DMBT1: variants seen among roughly 807,000 people sequenced by gnomAD.
DMBT1 encodes deleted in malignant brain tumors 1, also known as scavenger receptor cysteine-rich domain-containing protein DMBT1.
In DMBT1, 198 loss-of-function variants were observed where a neutral mutation model predicts 252.9. The observed-to-expected ratio is 0.78, with a 90% CI of 0.70 to 0.88. The LOEUF (loss-of-function observed/expected upper bound fraction) is 0.88, where lower values mean the gene tolerates loss of function less well. Ranked by LOEUF, DMBT1 falls within the 40% of genes least tolerant of loss-of-function variation. DMBT1 has a pLI of 0.00. For missense variants in DMBT1, 2,432 were observed against 2,404.7 expected, an observed-to-expected ratio of 1.01 and a Z score of -0.24; for synonymous variants, 990 against 942.7, an observed-to-expected ratio of 1.05 and a Z score of -0.92.
chr10:122,617,935 G>T, intron 40 of DMBT1, 82 bp from the exon 41 acceptor site: 1 of 1,586,218 alleles, frequency 6.3e-7, no homozygotes, highest in Non-Finnish European at 8.6e-7. Flanking sequence ...TGGCCATTAG[G>T]AAGTACCCTG....
rs1276571720 is a variant in DMBT1 at position 122,589,047 on chromosome 10, C to T, written c.1887C>T (p.Asp629=). ...YRGSWGTVCD[D]SWDTNDANVV... ...GCTCTTGGGGCACCGTGTGTGATGA[C>T]AGCTGGGACACCAATGATGCCAATG... The change falls in exon 17 of 56, where the codon GAC becomes GAT. Residue 629 remains aspartate (D), a synonymous_variant. Transcript: ENST00000338354. 1.3e-6 allele frequency: 2 copies of T among 1,588,860 alleles called. No homozygotes were observed. The highest frequency in any genetic ancestry group is 8.6e-7 in the Non-Finnish European group (1 of 1,165,948).
rs1248980230 is a variant in DMBT1 at position 122,579,638 on chromosome 10, T to A, written c.740T>A (p.Val247Glu). The A allele has an allele frequency of 1.2e-6, 2 of 1,613,504 alleles. No homozygotes were observed. Among genetic ancestry groups the A allele is most frequent in the East Asian group, 2.2e-5 (1 of 44,882 alleles). Residue 247 changes from valine to glutamate, a missense_variant, in exon 10 of 56, where the codon GTG (valine) becomes GAG (glutamate). By Grantham distance (121) the Val-to-Glu change is moderately radical (BLOSUM62 -2). Around this residue, in one of 3 missense-constraint regions of DMBT1, gnomAD observed 1,264 missense variants for 1,082.2 expected, o/e 1.17. Transcript: ENST00000338354. ...GGAGGCGACAGGTGTCGAGGCCGAG[T>A]GGAGGTCCTATACCGAGGCTCCTGG... ...VNGGDRCRGR[V>E]EVLYRGSWGT...
intron 20 of DMBT1, among the ~76,000 whole-genome samples, chr10:122,593,196 C>T (rs2097864539): frequency 6.7e-6 from 1 of 148,882 alleles, no homozygotes. Context: ...ATGAGACAGG[C>T]CAGGCATGGC....
At chr10:122,576,792 T>G in intron 7 of DMBT1, 70 bp downstream of exon 7, 1 of 1,587,212 alleles carries the variant, frequency 6.3e-7, no homozygotes, top group Non-Finnish European at 8.6e-7. Flanking sequence ...TTTGGGAGGA[T>G]GAGGTAGGCA....
chr10:122,598,401 A>G (rs2097905296), intron 25 of DMBT1, among the ~76,000 whole-genome samples: 1 of 152,112 alleles, frequency 6.6e-6, no homozygotes, highest in Non-Finnish European at 1.5e-5. Flanking sequence ...ATACCTGTGA[A>G]ATTTTCAGAA....
rs147003533 is a variant in DMBT1 at position 122,619,304 on chromosome 10, A to G, written c.5216-4A>G. On this transcript the variant is annotated splice_region_variant and splice_polypyrimidine_tract_variant and intron_variant, in intron 41 of 55. Coordinates refer to ENST00000338354, the MANE Select transcript of DMBT1 (RefSeq NM_001377530.1). The stretch of plus-strand genomic sequence containing the variant: ...GATCTGACCTTCTCTTCTCTTTCTC[A>G]CAGCTGCTCAGTCCCAGTCAACGCC... 2,052 of 1,613,668 alleles carry G rather than the reference A, an allele frequency of 1.3e-3. 20 individuals are homozygous for G. The African/African-American group carries it at 0.024, about 19-fold the overall frequency.
intron 7 of DMBT1, 90 bp downstream of exon 7, chr10:122,576,812 A>G: frequency 1.3e-6 from 2 of 1,528,210 alleles, no homozygotes; most frequent in Middle Eastern, 1.7e-4. Flanking sequence ...AGATTGCTTG[A>G]GCTCAGGCGT....
At position 122,581,082 on chromosome 10, in the gene DMBT1, G is replaced by A. The variant is rs528088765; in HGVS notation, c.1033+187G>A. On this transcript the variant is annotated intron_variant, in intron 11 of 55. Coordinates refer to ENST00000338354, the MANE Select transcript of DMBT1 (RefSeq NM_001377530.1). ...TTTAAACACACACAGGATTGAGGAG[G>A]CCTCTGTCTTCTTTTCAACCCCTCT... 5.5e-3 allele frequency among the ~76,000 whole-genome samples: 820 copies of A among 148,632 alleles called. 1 individual carries two copies. Among genetic ancestry groups the A allele is most frequent in the African/African-American group, 0.015 (592 of 39,064 alleles).
At chr10:122,573,580 G>A (rs2097685335) in intron 5 of DMBT1, 135 bp from the exon 6 acceptor site, 3 of 1,085,450 alleles carry the variant, frequency 2.8e-6, no homozygotes, top group East Asian at 2.4e-5. Flanking sequence ...ATTGGCACAT[G>A]GTTGGCTTTT....
intron 15 of DMBT1, among the ~76,000 whole-genome samples, chr10:122,585,800 C>T (rs2097784532): frequency 6.7e-6 from 1 of 148,674 alleles, no homozygotes; most frequent in South Asian, 2.3e-4. Context: ...CCTGTGTGTG[C>T]CCAGGTTAGG....
chr10:122,585,192 G>C (rs951935745), intron 14 of DMBT1, 79 bp from the exon 15 acceptor site: 1 of 1,524,222 alleles, frequency 6.6e-7, no homozygotes, highest in Non-Finnish European at 9.0e-7. Flanking sequence ...CATGATGCTC[G>C]CCTTCTCCGG....
Position 122,579,558 on chromosome 10 carries a change from G to A in DMBT1, c.680-20G>A, listed in dbSNP as rs759355375. On this transcript the variant is annotated intron_variant, in intron 9 of 55. Coordinates refer to ENST00000338354, the MANE Select transcript of DMBT1 (RefSeq NM_001377530.1). ...ACCTCATGATAGGGATGGATGAAGG[G>A]TTCTTGTGTTCCCCTGTAGGATCTG... 1.4e-5 allele frequency: 23 copies of A among 1,612,244 alleles called. No individual in the cohort carries two copies. The highest frequency in any genetic ancestry group is 1.1e-4 in the South Asian group (10 of 90,716).
In DMBT1 at chr10:122,640,304, T is replaced by TA; in HGVS notation, c.7208dup (p.Tyr2403Ter). 6.2e-7 allele frequency: 1 copy of TA among 1,614,084 alleles called. No individual in the cohort carries two copies. The highest frequency in any genetic ancestry group is 8.5e-7 in the Non-Finnish European group (1 of 1,179,904). ...CTTGTATCCTGTGACCAGCCGCCCTTACTACGTGGACCTGAACCAGGACTT... is the reference window on the plus strand; with the variant it reads ...CTTGTATCCTGTGACCAGCCGCCCTTAACTACGTGGACCTGAACCAGGACTT... Reference protein sequence around the residue: ...SFLYPVTSRPYYVDLNQDLYV... With the variant: ...SFLYPVTSRP The change falls in exon 55 of 56, where the codon TAC becomes TAAC. Residue 2403 changes from tyrosine to a stop codon, truncating the protein, a stop_gained and frameshift_variant. Transcript: ENST00000338354. LOFTEE classifies it high-confidence loss of function.
chr10:122,587,277 A>C lies in DMBT1; in HGVS notation c.1783+894A>C, dbSNP rs767083719. On this transcript the variant is annotated intron_variant, in intron 16 of 55. Transcript: ENST00000338354. ...CCAGAACCAAGGGCTCATGCTGGGA[A>C]GGGAGGGTTTTCTGCTGAGGACTAA... is the stretch of plus-strand genomic sequence containing the variant. Among the ~76,000 whole-genome samples the C allele has an allele frequency of 8.8e-5, 13 of 148,254 alleles. 2 individuals carry two copies. The highest frequency in any genetic ancestry group is 1.8e-4 in the Non-Finnish European group (12 of 66,652).
At chr10:122,588,566 G>A (rs2097815894) in intron 16 of DMBT1, among the ~76,000 whole-genome samples, 1 of 148,946 alleles carries the variant, frequency 6.7e-6, no homozygotes. Context: ...GCCATCCTTG[G>A]CAATTTGCCA....
At chr10:122,598,572 G>C (rs1342713800) in intron 25 of DMBT1, among the ~76,000 whole-genome samples, 2 of 152,144 alleles carry the variant, frequency 1.3e-5, no homozygotes, top group Admixed American at 6.5e-5. Flanking sequence ...CCCAAAACTT[G>C]AGCCTTCATA....
rs901157474 is a variant in DMBT1 at position 122,579,602 on chromosome 10, G to A, written c.704G>A (p.Arg235Lys). 2.5e-6 allele frequency: 4 copies of A among 1,613,430 alleles called. No individual in the cohort carries two copies. Among genetic ancestry groups the A allele is most frequent in the Admixed American group, 3.3e-5 (2 of 60,018 alleles). Residue 235 changes from arginine (R) to lysine (K), a missense_variant, in exon 10 of 56, where the codon AGG (arginine) becomes AAG (lysine). Arg to Lys is a conservative substitution (Grantham distance 26, BLOSUM62 2). Transcript: ENST00000338354. ...GGATCTGAATCCAGTTTGGCCCTGAGGCTGGTGAATGGAGGCGACAGGTGT... is the reference window on the plus strand; with the variant it reads ...GGATCTGAATCCAGTTTGGCCCTGAAGCTGGTGAATGGAGGCGACAGGTGT... The part of the protein sequence containing the change: ...TEGSESSLAL[R>K]LVNGGDRCRG...
At chr10:122,618,492 A>T (rs934997962) in intron 41 of DMBT1, among the ~76,000 whole-genome samples, 152 bp downstream of exon 41, 2 of 152,206 alleles carry the variant, frequency 1.3e-5, no homozygotes, top group African/African-American at 4.8e-5. Flanking sequence ...ATCTTTATGA[A>T]TTTTGCTACA....
At chr10:122,580,177 C>T (rs998434882) in intron 10 of DMBT1, among the ~76,000 whole-genome samples, 5 of 152,168 alleles carry the variant, frequency 3.3e-5, no homozygotes, top group African/African-American at 4.8e-5. Flanking sequence ...CCCCAGGGCT[C>T]CATTTCTCCC....
Sources: gnomAD v4.1 joint callset for allele counts (sites outside exome capture counted in the v4.1 genomes callset) on GRCh38, gnomAD v4.1.1 for gene constraint, gnomAD v4.1.1 regional missense constraint, MANE v1.5 for transcripts, NCBI Gene and HGNC (gene_info 2026-07-23, HGNC 2026-07-21) for gene names.